Variants in GSDMC observed in about 807,000 individuals in gnomAD.
GSDMC encodes the protein gasdermin-C.
In GSDMC, 59 loss-of-function variants were observed where a neutral mutation model predicts 58.0. The observed-to-expected ratio is 1.02, with a 90% CI of 0.82 to 1.26. The LOEUF (loss-of-function observed/expected upper bound fraction) is 1.26, where lower values mean the gene tolerates loss of function less well. Among genes scored for constraint, GSDMC ranks in the 50% most tolerant of loss-of-function variants. The pLI is 0.00. For missense variants in GSDMC, 659 were observed against 598.5 expected (o/e 1.10, Z -1.06); for synonymous variants, 241 against 220.2 (o/e 1.09, Z -0.83).
At chr8:129,749,856 G>T in intron 12 of GSDMC, 134 bp downstream of exon 12, 1 of 714,708 alleles carries the variant, frequency 1.4e-6, no homozygotes, top group Non-Finnish European at 2.3e-6. Context: ...TCTGACCTTA[G>T]AGAGAGCTGT....
intron 3 of GSDMC, among the ~76,000 whole-genome samples, chr8:129,772,594 C>T (rs1463197405): frequency 6.6e-6 from 1 of 152,030 alleles, no homozygotes; most frequent in African/African-American, 2.4e-5. Flanking sequence ...AAAATATAAA[C>T]ATATCATTCA....
At chr8:129,768,178 T>C (rs57521849) in intron 3 of GSDMC, among the ~76,000 whole-genome samples, 29,243 of 152,164 alleles carry the variant, frequency 0.19, 2,903 homozygotes, top group African/African-American at 0.22. Flanking sequence ...CAAGCCACAC[T>C]TATTCATGAA....
chr8:129,710,067 A>C, the GSDMC span, among the ~76,000 whole-genome samples: 2 of 152,264 alleles, frequency 1.3e-5, no homozygotes, highest in Non-Finnish European at 2.9e-5. Context: ...GAATGAATGC[A>C]AGCATAAATG....
chr8:129,718,970 G>A, the GSDMC span, among the ~76,000 whole-genome samples: 1 of 152,148 alleles, frequency 6.6e-6, no homozygotes, highest in African/African-American at 2.4e-5. Flanking sequence ...ACTCATAAGT[G>A]GGAGCTGAAC....
the GSDMC span, among the ~76,000 whole-genome samples, chr8:129,732,517 T>A: frequency 6.6e-6 from 1 of 152,068 alleles, no homozygotes; most frequent in Non-Finnish European, 1.5e-5. Context: ...GCACAAAAAA[T>A]CTGAATGTAG....
chr8:129,751,524 C>T lies in GSDMC; in HGVS notation c.943+18G>A, dbSNP rs372434127. ...CTCCCACCCAGAAGCCCCAGGTTCC[C>T]CCTTAATAAATACTTACTTTGCCAG... On this transcript the variant is annotated intron_variant, in intron 10 of 13. Transcript: ENST00000276708. 6.2e-7 allele frequency: 1 copy of T among 1,607,804 alleles called. No individual in the cohort carries two copies. Among genetic ancestry groups the T allele is most frequent in the African/African-American group, 1.3e-5 (1 of 74,668 alleles).
the GSDMC span, among the ~76,000 whole-genome samples, chr8:129,717,614 G>A: frequency 6.6e-6 from 1 of 151,942 alleles, no homozygotes; most frequent in Non-Finnish European, 1.5e-5. Context: ...TTATAGATTT[G>A]ATGCTATGCC....
chr8:129,776,126 G>C lies in GSDMC; in HGVS notation c.380C>G (p.Pro127Arg), dbSNP rs1341930421. ...LEFQIVTIPS[P>R]NLEDFQKRKL... ...CCTTTTTTGAAAGTCTTCCAGGTTT[G>C]GTGATGGGATGGTAACAATTTGAAA... is the stretch of plus-strand genomic sequence containing the variant. Residue 127 changes from proline (P) to arginine (R), a missense_variant, in exon 3 of 14, where the codon CCA (proline) becomes CGA (arginine). Physicochemically the swap from Pro to Arg is moderately radical, Grantham distance 103 (BLOSUM62 -2). Transcript: ENST00000276708. The C allele has an allele frequency of 6.2e-7, 1 of 1,613,600 alleles. No individual in the cohort carries two copies. The highest frequency in any genetic ancestry group is 8.5e-7 in the Non-Finnish European group (1 of 1,179,802).
At chr8:129,732,425 G>A in the GSDMC span, among the ~76,000 whole-genome samples, 1 of 151,944 alleles carries the variant, frequency 6.6e-6, no homozygotes, top group Non-Finnish European at 1.5e-5. Context: ...CTATTATAGG[G>A]AAATAAAAAG....
At chr8:129,780,336 G>A (rs1267712855) in intron 1 of GSDMC, among the ~76,000 whole-genome samples, 1 of 152,070 alleles carries the variant, frequency 6.6e-6, no homozygotes, top group Non-Finnish European at 1.5e-5. Flanking sequence ...GACTACCTCA[G>A]GCATTTGATA....
chr8:129,777,514 T>C lies in GSDMC; in HGVS notation c.74A>G (p.Lys25Arg), dbSNP rs1386166468. 1 of 1,613,364 alleles carries C rather than the reference T, an allele frequency of 6.2e-7. No homozygotes were observed. The highest frequency in any genetic ancestry group is 8.5e-7 in the Non-Finnish European group (1 of 1,179,438). Reference protein sequence around the residue: ...EIGSKDLTPVKYLLSATKLRQ... With the variant: ...EIGSKDLTPVRYLLSATKLRQ... ...TAATTTGGTGGCACTCAATAGGTATTTGACAGGTGTCAGGTCTTTGCTTCC... is the reference window on the plus strand; with the variant it reads ...TAATTTGGTGGCACTCAATAGGTATCTGACAGGTGTCAGGTCTTTGCTTCC... The change falls in exon 2 of 14, where the codon AAA (lysine) becomes AGA (arginine). Residue 25 changes from lysine to arginine, a missense_variant. By Grantham distance (26) the Lys-to-Arg change is conservative (BLOSUM62 2). Transcript: ENST00000276708.
chr8:129,707,693 T>C, the GSDMC span, among the ~76,000 whole-genome samples: 1 of 152,234 alleles, frequency 6.6e-6, no homozygotes, highest in Non-Finnish European at 1.5e-5. Flanking sequence ...GATACACATA[T>C]ATTCTACCAA....
At chr8:129,777,205 G>A (rs2034262382) in intron 2 of GSDMC, among the ~76,000 whole-genome samples, 163 bp downstream of exon 2, 1 of 152,158 alleles carries the variant, frequency 6.6e-6, no homozygotes, top group South Asian at 2.1e-4. Context: ...CAGATAATTG[G>A]TAGGATTCTC....
the GSDMC span, among the ~76,000 whole-genome samples, chr8:129,738,894 T>C: frequency 2.3e-4 from 35 of 152,284 alleles, no homozygotes; most frequent in African/African-American, 8.2e-4. Flanking sequence ...TCAGAGTTTC[T>C]AGATTTGAAA....
the GSDMC span, among the ~76,000 whole-genome samples, chr8:129,736,100 T>C: frequency 1.3e-5 from 2 of 151,484 alleles, no homozygotes; most frequent in African/African-American, 2.4e-5. Context: ...CCGGAAGAAA[T>C]TGAATTTTTG....
the GSDMC span, among the ~76,000 whole-genome samples, chr8:129,735,273 CA>C: frequency 3.3e-5 from 5 of 152,224 alleles, no homozygotes; most frequent in East Asian, 9.6e-4. Flanking sequence ...CAAGGATATC[CA>C]GGACTTGAAC....
chr8:129,707,473 G>A, the GSDMC span, among the ~76,000 whole-genome samples: 3 of 152,070 alleles, frequency 2.0e-5, no homozygotes, highest in African/African-American at 7.2e-5. Flanking sequence ...AAAAATGTAA[G>A]TACCATTAAT....
chr8:129,765,854 C>T lies in GSDMC; in HGVS notation c.405-61G>A, dbSNP rs1182584096. 3.5e-6 allele frequency: 5 copies of T among 1,439,610 alleles called. No homozygotes were observed. In the African/African-American group the frequency reaches 4.2e-5, roughly 12 times the overall value. 89.2% of individuals were successfully genotyped at this position (1,439,610 alleles called of 1,614,324 possible). On this transcript the variant is annotated intron_variant, in intron 3 of 13. Coordinates refer to ENST00000276708, the MANE Select transcript of GSDMC (RefSeq NM_031415.3). ...GGGAAAGTGATGGCTTTTCAGGTTACTCTGGGTGCCCTTCTCCCCAAGACC... is the reference window on the plus strand; with the variant it reads ...GGGAAAGTGATGGCTTTTCAGGTTATTCTGGGTGCCCTTCTCCCCAAGACC...
intron 8 of GSDMC, 73 bp downstream of exon 8, chr8:129,752,033 T>G: frequency 6.8e-7 from 1 of 1,474,144 alleles, no homozygotes; most frequent in Non-Finnish European, 9.5e-7. Context: ...CTTTGGGTAA[T>G]AGCACCAAAG....
Sources: gnomAD v4.1 joint callset for allele counts (sites outside exome capture counted in the v4.1 genomes callset) on GRCh38, gnomAD v4.1.1 for gene constraint, MANE v1.5 for transcripts, NCBI Gene and HGNC (gene_info 2026-07-23, HGNC 2026-07-21) for gene names.